Variants in RNASEH2B observed in about 807,000 individuals in gnomAD.
The protein encoded by RNASEH2B is ribonuclease H2 subunit B, also known as Aicardi-Goutieres syndrome 2 protein.
Under a neutral mutation model 45.0 loss-of-function variants are expected in RNASEH2B, and 36 were observed. The observed-to-expected ratio is 0.80, with a 90% CI of 0.61 to 1.06. RNASEH2B has a LOEUF of 1.06. RNASEH2B is among the 50% of genes least tolerant of loss of function. The pLI is 0.00. For missense variants in RNASEH2B, 361 were observed against 360.3 expected, an observed-to-expected ratio of 1.00 and a Z score of -0.02; for synonymous variants, 119 against 125.7, an observed-to-expected ratio of 0.95 and a Z score of 0.35.
chr13:50,936,741 A>G (rs1417749419), intron 5 of RNASEH2B: 2 of 152,244 alleles, frequency 1.3e-5, no homozygotes, highest in African/African-American at 4.8e-5. Context: ...GCTGTATAAG[A>G]ACAATCATCT....
chr13:50,950,331 C>T (rs1951960398), intron 9 of RNASEH2B: 1 of 152,158 alleles, frequency 6.6e-6, no homozygotes, highest in Admixed American at 6.5e-5. Flanking sequence ...AGCTAAAATG[C>T]TCATAATTTT....
At chr13:50,931,924 C>T (rs998404443) in intron 4 of RNASEH2B, among the ~76,000 whole-genome samples, 1 of 150,496 alleles carries the variant, frequency 6.6e-6, no homozygotes, top group Non-Finnish European at 1.5e-5. Flanking sequence ...CTGAGTTATG[C>T]ATATCTTCCA....
At chr13:50,933,311 G>A (rs547381341) in intron 4 of RNASEH2B, among the ~76,000 whole-genome samples, 1 of 152,328 alleles carries the variant, frequency 6.6e-6, no homozygotes, top group African/African-American at 2.4e-5. Flanking sequence ...GGCACTCTGG[G>A]CACCTCCAGG....
At chr13:50,948,193 A>T in intron 8 of RNASEH2B, 125 bp downstream of exon 8, 2 of 1,476,518 alleles carry the variant, frequency 1.4e-6, no homozygotes, top group East Asian at 2.3e-5. Flanking sequence ...CAGCTATGTC[A>T]TATACTTTGT....
chr13:50,957,058 T>G (rs147066361), downstream of RNASEH2B, among the ~76,000 whole-genome samples: 1,060 of 152,198 alleles, frequency 7.0e-3, 14 homozygotes, highest in African/African-American at 0.024. Flanking sequence ...TTATAATAAT[T>G]TTTAGAAAGG....
intron 9 of RNASEH2B, among the ~76,000 whole-genome samples, chr13:50,968,526 G>A (rs1952188040): frequency 6.6e-6 from 1 of 152,192 alleles, no homozygotes; most frequent in African/African-American, 2.4e-5. Flanking sequence ...GCCAAGCCCA[G>A]ATGCCAAGCC....
At chr13:50,920,638 A>C (rs535115180) in intron 1 of RNASEH2B, among the ~76,000 whole-genome samples, 27 of 152,356 alleles carry the variant, frequency 1.8e-4, no homozygotes, top group African/African-American at 6.5e-4. Context: ...AGATGAGAGA[A>C]AAGAGTAAAA....
rs544743095 is a variant in RNASEH2B, at chr13:50,934,604, T to C, written c.322-281T>C. The stretch of plus-strand genomic sequence containing the variant: ...ACCATCTTTGCAAGCTTCTGTGGCT[T>C]CCAGTGCTTTTGTAGATTGATTTTC... On this transcript the variant is annotated intron_variant, in intron 4 of 10. Coordinates refer to ENST00000336617, the MANE Select transcript of RNASEH2B (RefSeq NM_024570.4). 3 of 438,202 alleles carry C rather than the reference T, an allele frequency of 6.8e-6. No individual in the cohort carries two copies. The Admixed American group carries it at 1.1e-4, about 15-fold the overall frequency. 27.1% of individuals were successfully genotyped at this position (438,202 alleles called of 1,614,324 possible).
intron 1 of RNASEH2B, among the ~76,000 whole-genome samples, chr13:50,926,780 C>G (rs1224270063): frequency 1.3e-5 from 2 of 150,488 alleles, no homozygotes; most frequent in Admixed American, 1.3e-4. Context: ...TCATTATAAG[C>G]AGGATTAAAA....
At chr13:50,965,988 T>C (rs967747002) in intron 9 of RNASEH2B, among the ~76,000 whole-genome samples, 13 of 152,234 alleles carry the variant, frequency 8.5e-5, no homozygotes, top group Non-Finnish European at 1.5e-4. Context: ...CTGGCAATTT[T>C]GTTTTCTTGC....
At position 50,949,276 on chromosome 13, in the gene RNASEH2B, T is replaced by G. The variant is rs1051906956; in HGVS notation, c.699-187T>G. 2.4e-5 allele frequency: 14 copies of G among 594,446 alleles called. No homozygotes were observed. The African/African-American group carries it at 2.4e-4, about 10-fold the overall frequency. The allele number at this position is 594,446 out of a possible 1,614,324, so 36.8% of individuals were successfully genotyped here. On this transcript the variant is annotated intron_variant, in intron 8 of 10. Transcript: ENST00000336617. ...CAACACCAAAACAAGGACTTACATA[T>G]CAAAATAAAGACTCATTTATTGAGA...
intron 1 of RNASEH2B, among the ~76,000 whole-genome samples, chr13:50,915,031 T>G (rs1190394030): frequency 1.3e-5 from 2 of 152,176 alleles, no homozygotes; most frequent in Non-Finnish European, 2.9e-5. Context: ...AAGCCTCACT[T>G]TTGTCATCTC....
At chr13:50,948,104 C>A in intron 8 of RNASEH2B, 36 bp downstream of exon 8, 1 of 1,606,684 alleles carries the variant, frequency 6.2e-7, no homozygotes. Flanking sequence ...AATGAAGTAC[C>A]ATTTGCTTCT....
intron 1 of RNASEH2B, among the ~76,000 whole-genome samples, chr13:50,915,860 C>T (rs752385750): frequency 1.3e-5 from 2 of 152,250 alleles, no homozygotes; most frequent in Non-Finnish European, 2.9e-5. Flanking sequence ...TGGAGGCTGG[C>T]TTACTCCTCC....
intron 9 of RNASEH2B, among the ~76,000 whole-genome samples, chr13:50,963,755 A>G (rs536701058): frequency 3.2e-4 from 49 of 152,358 alleles, no homozygotes; most frequent in African/African-American, 1.1e-3. Context: ...CAGTATTAGC[A>G]TACATGACCA....
intron 10 of RNASEH2B, chr13:50,954,260 G>A: frequency 1.8e-6 from 1 of 542,460 alleles, no homozygotes; most frequent in Non-Finnish European, 3.2e-6. Flanking sequence ...GGTGGGAAAG[G>A]AGGGAGGAAG....
intron 8 of RNASEH2B, chr13:50,949,191 G>A (rs1951944483): frequency 5.2e-6 from 2 of 382,954 alleles, no homozygotes; most frequent in African/African-American, 2.1e-5. Context: ...AATTTATAGA[G>A]GCTAAAGAAA....
intron 1 of RNASEH2B, 148 bp from the exon 2 acceptor site, chr13:50,927,259 G>GC: frequency 1.7e-6 from 1 of 592,746 alleles, no homozygotes; most frequent in South Asian, 1.8e-5. Context: ...TTGGTAATTT[G>GC]CTCAAGATCA....
chr13:50,923,936 T>C (rs1028334173), intron 1 of RNASEH2B, among the ~76,000 whole-genome samples: 1 of 152,286 alleles, frequency 6.6e-6, no homozygotes, highest in Admixed American at 6.5e-5. Context: ...AACTTACTAC[T>C]CTTGAAACTC....
Sources: allele counts gnomAD v4.1 joint callset (sites outside exome capture counted in the v4.1 genomes callset), GRCh38; gene constraint gnomAD v4.1.1; transcripts MANE v1.5; gene names NCBI Gene and HGNC (gene_info 2026-07-23, HGNC 2026-07-21).